DYNC2H1: variants seen among roughly 807,000 people sequenced by gnomAD.
DYNC2H1 encodes the protein dynein cytoplasmic 2 heavy chain 1.
A neutral mutation model predicts 570.0 loss-of-function variants in DYNC2H1; 410 were observed. The observed-to-expected ratio is 0.72, with a 90% CI of 0.66 to 0.78. DYNC2H1 has a LOEUF of 0.78. DYNC2H1 is among the 30% of genes least tolerant of loss of function. The pLI is 0.00. For synonymous variants in DYNC2H1, 1,688 were observed against 1,677.6 expected (o/e 1.01, Z -0.15); for missense variants, 4,865 against 5,046.4 (o/e 0.96, Z 1.09).
At chr11:103,117,277 AAT>A (rs1260637088) in intron 5 of DYNC2H1, among the ~76,000 whole-genome samples, 2 of 146,490 alleles carry the variant, frequency 1.4e-5, no homozygotes, top group African/African-American at 2.5e-5. Flanking sequence ...TATATTTTTT[AAT>A]ATATATATTT....
At chr11:103,155,191 A>T (rs1860756268) in intron 24 of DYNC2H1, 140 bp from the exon 25 acceptor site, 1 of 826,644 alleles carries the variant, frequency 1.2e-6, no homozygotes, top group African/African-American at 1.8e-5. Flanking sequence ...TAAGAATATG[A>T]TTTTAAGATT....
At position 103,245,937 on chromosome 11, in the gene DYNC2H1, C is replaced by T. The variant is rs143186094; in HGVS notation, c.10042+563C>T. On this transcript the variant is annotated intron_variant, in intron 65 of 88. Coordinates refer to ENST00000375735, the MANE Select transcript of DYNC2H1 (RefSeq NM_001377.3). The surrounding 1 kb of genome is among the most constrained non-coding windows in gnomAD (Gnocchi z 4.5). The stretch of plus-strand genomic sequence containing the variant: ...ATACATATGTAGACGTGTACATATA[C>T]GTACGTGAATGTATGCCACATACGT... Among the ~76,000 whole-genome samples the T allele has an allele frequency of 3.8e-4, 58 of 152,168 alleles. No individual in the cohort carries two copies. Among genetic ancestry groups the T allele is most frequent in the African/African-American group, 1.1e-3 (46 of 41,536 alleles).
At position 103,254,645 on chromosome 11, in the gene DYNC2H1, C is replaced by A. The variant is rs557042408; in HGVS notation, c.10207-770C>A. On this transcript the variant is annotated intron_variant, in intron 66 of 88. Transcript: ENST00000375735. The surrounding 1 kb of genome is among the most constrained non-coding windows in gnomAD (Gnocchi z 4.9). ...TCCCACCAGAAATATAGGAGGGTTC[C>A]GCTTTTTTCCATATCCTTGCCAACT... 6.6e-6 allele frequency among the ~76,000 whole-genome samples: 1 copy of A among 152,114 alleles called. No individual in the cohort carries two copies. The highest frequency in any genetic ancestry group is 2.4e-5 in the African/African-American group (1 of 41,428).
chr11:103,233,169 T>A (rs1448105025), intron 60 of DYNC2H1, among the ~76,000 whole-genome samples: 1 of 152,080 alleles, frequency 6.6e-6, no homozygotes, highest in Admixed American at 6.6e-5. Flanking sequence ...TGTATATGAA[T>A]TTTAGATCCT....
chr11:103,286,259 C>T lies in DYNC2H1; in HGVS notation c.10895C>T (p.Ala3632Val), dbSNP rs1866347211. The T allele has an allele frequency of 6.2e-7, 1 of 1,612,736 alleles. No individual in the cohort carries two copies. ...ATGGCCATTTTTATTTTTTAGATTG[C>T]TCTCCCCAGTCTTTATCAGACCCTC... ...RSWAVATLKI[A>V]LPSLYQTLCF... Residue 3632 changes from alanine (A) to valine (V), a missense_variant, in exon 74 of 89, where the codon GCT (alanine) becomes GTT (valine). Transcript: ENST00000375735.
chr11:103,450,312 T>C (rs185859482), intron 85 of DYNC2H1, among the ~76,000 whole-genome samples: 1 of 152,298 alleles, frequency 6.6e-6, no homozygotes, highest in East Asian at 1.9e-4. Context: ...AGATAGCAGA[T>C]CAGTAAAGAT....
At chr11:103,430,359 T>C (rs1943844200) in intron 84 of DYNC2H1, among the ~76,000 whole-genome samples, 1 of 152,146 alleles carries the variant, frequency 6.6e-6, no homozygotes, top group African/African-American at 2.4e-5. Context: ...TTAATGTAGA[T>C]AAAATGCGTA....
chr11:103,150,533 G>C (rs910075764), intron 20 of DYNC2H1, among the ~76,000 whole-genome samples: 8 of 152,138 alleles, frequency 5.3e-5, no homozygotes, highest in African/African-American at 1.7e-4. Context: ...GACTAGAGGA[G>C]CAACTGGAGT....
chr11:103,162,974 A>G, intron 29 of DYNC2H1, 54 bp from the exon 30 acceptor site: 1 of 1,496,054 alleles, frequency 6.7e-7, no homozygotes, highest in Non-Finnish European at 9.2e-7. Context: ...TATATATATT[A>G]TTTTCCAGTT....
intron 36 of DYNC2H1, among the ~76,000 whole-genome samples, chr11:103,175,816 T>G (rs986138941): frequency 5.3e-5 from 8 of 152,192 alleles, no homozygotes; most frequent in Non-Finnish European, 1.0e-4. Context: ...GTGCCTTTTC[T>G]GAAAGTCACT....
At chr11:103,352,760 A>T (rs1389843420) in intron 82 of DYNC2H1, among the ~76,000 whole-genome samples, 1 of 152,206 alleles carries the variant, frequency 6.6e-6, no homozygotes, top group Non-Finnish European at 1.5e-5. Context: ...AAGATCTAGA[A>T]CCAGAAATAC....
At chr11:103,285,983 T>G (rs568604075) in intron 73 of DYNC2H1, among the ~76,000 whole-genome samples, 19 of 152,322 alleles carry the variant, frequency 1.2e-4, no homozygotes, top group African/African-American at 4.6e-4. Flanking sequence ...AAGGTGGAGA[T>G]AGCTAGGTAC....
At chr11:103,443,826 A>G (rs1410246243) in intron 85 of DYNC2H1, among the ~76,000 whole-genome samples, 1 of 151,524 alleles carries the variant, frequency 6.6e-6, no homozygotes, top group African/African-American at 2.4e-5. Context: ...TGGATTGAAG[A>G]TGATTTATAT....
In DYNC2H1 at chr11:103,241,503, C is replaced by G. The variant is rs1864420792; in HGVS notation, c.9820-2190C>G. On this transcript the variant is annotated intron_variant, in intron 63 of 88. Transcript: ENST00000375735. The surrounding 1 kb of genome is among the most constrained non-coding windows in gnomAD (Gnocchi z 5.1). ...AAAAACATTTTGAAATGTTACCTTTCTTCTTTTCATTTAACTGCATCAGAT... is the reference window on the plus strand; with the variant it reads ...AAAAACATTTTGAAATGTTACCTTTGTTCTTTTCATTTAACTGCATCAGAT... The G allele has an allele frequency of 6.3e-7, 1 of 1,591,070 alleles. No individual in the cohort carries two copies. Among genetic ancestry groups the G allele is most frequent in the Admixed American group, 1.7e-5 (1 of 59,214 alleles).
chr11:103,288,880 C>CAAA (rs546404582), intron 75 of DYNC2H1, among the ~76,000 whole-genome samples: 11 of 80,128 alleles, frequency 1.4e-4, no homozygotes, highest in African/African-American at 4.2e-4. Context: ...GACTCAATCT[C>CAAA]AAAAAAAAAA....
At chr11:103,283,203 C>T (rs1476255404) in intron 73 of DYNC2H1, 118 bp downstream of exon 73, 1 of 671,770 alleles carries the variant, frequency 1.5e-6, no homozygotes, top group African/African-American at 1.9e-5. Flanking sequence ...GATGTAAGTT[C>T]CCCCAGTAAA....
At chr11:103,208,208 A>G (rs1863012480) in intron 52 of DYNC2H1, among the ~76,000 whole-genome samples, 1 of 152,164 alleles carries the variant, frequency 6.6e-6, no homozygotes, top group Admixed American at 6.6e-5. Flanking sequence ...TGAGGGTATT[A>G]GAGGGATTAT....
chr11:103,396,779 G>A (rs1008164062), intron 83 of DYNC2H1, among the ~76,000 whole-genome samples: 1 of 152,136 alleles, frequency 6.6e-6, no homozygotes, highest in African/African-American at 2.4e-5. Flanking sequence ...CACACAGCAT[G>A]GAGTACCACT....
intron 1 of DYNC2H1, among the ~76,000 whole-genome samples, chr11:103,112,479 A>G (rs990304017): frequency 6.6e-6 from 1 of 152,246 alleles, no homozygotes; most frequent in Non-Finnish European, 1.5e-5. Context: ...AGCAGCTACA[A>G]CTTGGCCTTT....
Sources: allele counts gnomAD v4.1 joint callset (sites outside exome capture counted in the v4.1 genomes callset), GRCh38; gene constraint gnomAD v4.1.1; non-coding constraint Gnocchi (gnomAD v3.1); transcripts MANE v1.5; gene names NCBI Gene and HGNC (gene_info 2026-07-23, HGNC 2026-07-21).